Variants in ACSL1 observed in about 807,000 individuals in gnomAD.
ACSL1 encodes long-chain-fatty-acid--CoA ligase 1.
Under a neutral mutation model 98.4 loss-of-function variants are expected in ACSL1, and 41 were observed. The ratio of observed to expected loss-of-function variants is 0.42; its 90% CI spans 0.32 to 0.54. The LOEUF (loss-of-function observed/expected upper bound fraction) is 0.54. Among genes scored for constraint, ACSL1 ranks in the 20% least tolerant of loss-of-function variants. The pLI, the probability that ACSL1 is intolerant of heterozygous loss-of-function variation, is 0.13. For missense variants in ACSL1, 734 were observed against 883.1 expected, an observed-to-expected ratio of 0.83 and a Z score of 2.14; for synonymous variants, 316 against 322.7, an observed-to-expected ratio of 0.98 and a Z score of 0.22.
chr4:184,816,053 C>T (rs72705293), intron 1 of ACSL1, among the ~76,000 whole-genome samples: 9,443 of 151,608 alleles, frequency 0.062, 440 homozygotes, highest in Non-Finnish European at 0.094. Context: ...CTGTGGGGGG[C>T]GCAGCGGCAG....
intron 4 of ACSL1, among the ~76,000 whole-genome samples, chr4:184,780,846 A>G (rs954570238): frequency 6.6e-6 from 1 of 152,240 alleles, no homozygotes; most frequent in Non-Finnish European, 1.5e-5. Context: ...TGAGAGACCT[A>G]TAAAAAATAA....
chr4:184,768,679 C>A (rs1764004844), intron 11 of ACSL1, among the ~76,000 whole-genome samples: 1 of 152,100 alleles, frequency 6.6e-6, no homozygotes, highest in Non-Finnish European at 1.5e-5. Context: ...AGTAAAAAAC[C>A]AGGCTATGTT....
Position 184,817,612 on chromosome 4 carries a change from C to T in ACSL1, c.-33+8304G>A, listed in dbSNP as rs145505051. Among the ~76,000 whole-genome samples, 419 of 152,272 alleles carry T rather than the reference C, an allele frequency of 2.8e-3. 2 individuals are homozygous for T. Among genetic ancestry groups the T allele is most frequent in the African/African-American group, 9.5e-3 (396 of 41,558 alleles). On this transcript the variant is annotated intron_variant, in intron 1 of 20. Transcript: ENST00000281455. ...CAATGCATGAAACTGCTAATGGAGG[C>T]ACCCTGAAATGCGTGCCACACCTGG...
In ACSL1 at chr4:184,785,600, C is replaced by CCGGGGGG. The variant is rs1392500206; in HGVS notation, c.311-1610_311-1609insCCCCCCG. On this transcript the variant is annotated intron_variant, in intron 3 of 20. Coordinates refer to ENST00000281455, the MANE Select transcript of ACSL1 (RefSeq NM_001995.5). ...CTTAGAATAAAAAGATCCTCCTGGG[C>CCGGGGGG]GGGGGCGGGGGGGGGGGGGGGAAGG... 1.6e-3 allele frequency among the ~76,000 whole-genome samples: 30 copies of CCGGGGGG among 19,180 alleles called. 8 individuals carry two copies. The highest frequency in any genetic ancestry group is 8.3e-3 in the East Asian group (1 of 120). 12.6% of individuals were successfully genotyped at this position (19,180 alleles called of 152,430 possible).
intron 2 of ACSL1, among the ~76,000 whole-genome samples, chr4:184,791,823 AAAG>A (rs919334991): frequency 3.2e-4 from 49 of 152,136 alleles, no homozygotes; most frequent in African/African-American, 1.1e-3. Flanking sequence ...GTGTAAGCAG[AAAG>A]AAGGAGGGCT....
chr4:184,771,183 G>A (rs565676618), intron 10 of ACSL1, among the ~76,000 whole-genome samples: 1 of 152,158 alleles, frequency 6.6e-6, no homozygotes, highest in East Asian at 1.9e-4. Context: ...CCATGACAAA[G>A]TAAATCCACT....
intron 5 of ACSL1, among the ~76,000 whole-genome samples, chr4:184,779,677 GTC>G (rs1399781019): frequency 1.3e-5 from 2 of 152,110 alleles, no homozygotes; most frequent in African/African-American, 4.8e-5. Flanking sequence ...ATGTATCTGA[GTC>G]TCTCTATAAC....
Position 184,773,271 on chromosome 4 carries a change from C to A in ACSL1, c.842-117G>T. On this transcript the variant is annotated intron_variant, in intron 9 of 20. Transcript: ENST00000281455. This position sits in a 1 kb window ranked among gnomAD's most constrained non-coding sequence, Gnocchi z 4.3. ...CTACTGTTAGATATATCGTGAAAAC[C>A]AAATGTTGAACACTAAATTCCTAAG... 1 of 895,492 alleles carries A rather than the reference C, an allele frequency of 1.1e-6. No individual in the cohort carries two copies. Among genetic ancestry groups the A allele is most frequent in the Non-Finnish European group, 1.7e-6 (1 of 581,342 alleles). 55.5% of individuals were successfully genotyped at this position (895,492 alleles called of 1,614,324 possible). A position where few individuals can be genotyped will look rare whatever the true frequency, so the allele number is the denominator to read the frequency against.
At chr4:184,770,220 C>A in intron 11 of ACSL1, 179 bp downstream of exon 11, 2 of 1,521,410 alleles carry the variant, frequency 1.3e-6, no homozygotes, top group Non-Finnish European at 1.8e-6. Context: ...GCAGAGAATT[C>A]TCTATAGGGA....
intron 4 of ACSL1, among the ~76,000 whole-genome samples, chr4:184,782,909 C>T (rs999370197): frequency 3.9e-5 from 6 of 152,202 alleles, no homozygotes; most frequent in East Asian, 1.9e-4. Context: ...CTGCAGAGAA[C>T]GATCCCTTCC....
intron 1 of ACSL1, chr4:184,820,942 G>T (rs1326990994): frequency 2.3e-6 from 1 of 442,994 alleles, no homozygotes; most frequent in African/African-American, 2.0e-5. Flanking sequence ...GGGCAGTAGA[G>T]CCCAGCAATT....
At chr4:184,795,526 C>G (rs1372265218) in intron 2 of ACSL1, among the ~76,000 whole-genome samples, 8 of 152,192 alleles carry the variant, frequency 5.3e-5, no homozygotes, top group African/African-American at 1.9e-4. Context: ...ATATAACAAT[C>G]AACCTCTTTC....
At chr4:184,819,216 C>T (rs554816569) in intron 1 of ACSL1, among the ~76,000 whole-genome samples, 1 of 150,712 alleles carries the variant, frequency 6.6e-6, no homozygotes, top group Admixed American at 6.6e-5. Flanking sequence ...GATCTTGGCT[C>T]ACTGCAACCT....
At chr4:184,812,877 A>G (rs1005924841) in intron 1 of ACSL1, among the ~76,000 whole-genome samples, 1 of 152,160 alleles carries the variant, frequency 6.6e-6, no homozygotes, top group Non-Finnish European at 1.5e-5. Context: ...GAATCTTCCA[A>G]ACCAGGGAAA....
intron 4 of ACSL1, among the ~76,000 whole-genome samples, chr4:184,781,578 T>C (rs1410030571): frequency 6.6e-6 from 1 of 152,088 alleles, no homozygotes; most frequent in Non-Finnish European, 1.5e-5. Context: ...TTTGCAGTTA[T>C]TTTCTTTTCC....
chr4:184,796,507 G>C (rs1410429667), intron 2 of ACSL1, among the ~76,000 whole-genome samples: 1 of 152,196 alleles, frequency 6.6e-6, no homozygotes, highest in African/African-American at 2.4e-5. Flanking sequence ...GAATTAAAAG[G>C]GGAAATCTTT....
At chr4:184,781,028 AGT>A (rs1766164401) in intron 4 of ACSL1, among the ~76,000 whole-genome samples, 1 of 151,934 alleles carries the variant, frequency 6.6e-6, no homozygotes, top group South Asian at 2.1e-4. Context: ...CACTTGAGGG[AGT>A]TCGAGGCCAG....
At chr4:184,770,735 G>A (rs1364122288) in intron 10 of ACSL1, among the ~76,000 whole-genome samples, 4 of 152,028 alleles carry the variant, frequency 2.6e-5, no homozygotes, top group Non-Finnish European at 5.9e-5. Flanking sequence ...AAAAGACTCC[G>A]AGTAAACTTC....
intron 2 of ACSL1, among the ~76,000 whole-genome samples, chr4:184,796,848 T>G (rs1365211747): frequency 6.6e-6 from 1 of 152,232 alleles, no homozygotes; most frequent in African/African-American, 2.4e-5. Context: ...TATTTACAAA[T>G]GACTGCAGAA....
Sources: gnomAD v4.1 joint callset for allele counts (sites outside exome capture counted in the v4.1 genomes callset) on GRCh38, gnomAD v4.1.1 for gene constraint, Gnocchi (gnomAD v3.1) non-coding constraint, MANE v1.5 for transcripts, NCBI Gene and HGNC (gene_info 2026-07-23, HGNC 2026-07-21) for gene names.